The following GLCCI1 variants were observed in gnomAD, a reference collection of about 807,000 sequenced individuals.
GLCCI1 encodes glucocorticoid-induced transcript 1 protein.
A neutral mutation model predicts 52.2 loss-of-function variants in GLCCI1; 24 were observed. That is an observed-to-expected ratio of 0.46 (90% CI 0.33 to 0.65). GLCCI1 has a LOEUF of 0.65. Ranked by LOEUF, GLCCI1 falls within the 30% of genes least tolerant of loss-of-function variation. The pLI is 0.02. For missense variants in GLCCI1, 704 were observed against 701.5 expected (o/e 1.00, Z -0.04); for synonymous variants, 310 against 276.5 (o/e 1.12, Z -1.20).
chr7:8,008,022 C>A (rs1033652399), intron 2 of GLCCI1, among the ~76,000 whole-genome samples: 5 of 152,124 alleles, frequency 3.3e-5, no homozygotes, highest in African/African-American at 1.2e-4. Context: ...TAGACACACA[C>A]ACATTTGAAA....
intron 2 of GLCCI1, among the ~76,000 whole-genome samples, chr7:8,021,387 T>TAA (rs1330263323): frequency 6.6e-6 from 1 of 152,200 alleles, no homozygotes; most frequent in East Asian, 1.9e-4. Flanking sequence ...TCTCATGTAT[T>TAA]AAAGATGATA....
At chr7:8,068,310 A>T (rs1220756076) in intron 5 of GLCCI1, among the ~76,000 whole-genome samples, 1 of 152,212 alleles carries the variant, frequency 6.6e-6, no homozygotes, top group Non-Finnish European at 1.5e-5. Context: ...AGATTGTGCC[A>T]TTGCACTCCA....
intron 2 of GLCCI1, among the ~76,000 whole-genome samples, chr7:8,015,775 A>G (rs1781365468): frequency 6.6e-6 from 1 of 152,232 alleles, no homozygotes; most frequent in Non-Finnish European, 1.5e-5. Context: ...ACCAAAGTCA[A>G]AATTCTACTT....
chr7:8,007,275 C>A (rs1209495003), intron 2 of GLCCI1, among the ~76,000 whole-genome samples: 2 of 152,228 alleles, frequency 1.3e-5, no homozygotes, highest in African/African-American at 4.8e-5. Context: ...ATTTGTACAT[C>A]ATTACATAGC....
intron 1 of GLCCI1, among the ~76,000 whole-genome samples, chr7:7,985,350 C>A (rs1051002986): frequency 6.6e-6 from 1 of 152,088 alleles, no homozygotes. Context: ...TAATCCCTGG[C>A]TCCTGACATT....
chr7:8,041,143 A>G (rs1300285026), intron 3 of GLCCI1, among the ~76,000 whole-genome samples: 1 of 152,226 alleles, frequency 6.6e-6, no homozygotes, highest in Non-Finnish European at 1.5e-5. Flanking sequence ...CAAGAATGAT[A>G]ACAAAGCAAA....
In GLCCI1 at chr7:8,060,340, T is replaced by A. The variant is rs994681708; in HGVS notation, c.966+92T>A. ...TCTTGGTAACAGCTTTGTTAAGATATAATTCACATACCATCCAGTTTACTC... is the reference window on the plus strand; with the variant it reads ...TCTTGGTAACAGCTTTGTTAAGATAAAATTCACATACCATCCAGTTTACTC... On this transcript the variant is annotated intron_variant, in intron 5 of 7. Transcript: ENST00000223145. 5.2e-6 allele frequency: 5 copies of A among 960,054 alleles called. No individual in the cohort carries two copies. The African/African-American group carries it at 8.2e-5, about 16-fold the overall frequency. 59.5% of individuals were successfully genotyped at this position (960,054 alleles called of 1,614,324 possible).
At position 7,980,541 on chromosome 7, in the gene GLCCI1, C is replaced by T. The variant is rs1189924552; in HGVS notation, c.457+10734C>T. 4 of 503,156 alleles carry T rather than the reference C, an allele frequency of 7.9e-6. No homozygotes were observed. The East Asian group carries it at 9.2e-5, about 12-fold the overall frequency. 31.2% of individuals were successfully genotyped at this position (503,156 alleles called of 1,614,324 possible). A position where few individuals can be genotyped will look rare whatever the true frequency, so the allele number is the denominator to read the frequency against. On this transcript the variant is annotated intron_variant, in intron 1 of 7. Transcript: ENST00000223145. ...TTCACAGTATACAAAGGTATTTTAT[C>T]ATACAAACTGTTGATCCTACAGGGA...
chr7:8,077,001 T>C (rs753431871), intron 6 of GLCCI1, among the ~76,000 whole-genome samples: 2 of 152,196 alleles, frequency 1.3e-5, no homozygotes, highest in Non-Finnish European at 1.5e-5. Context: ...AAACCAAGAA[T>C]AATTAAACTA....
intron 1 of GLCCI1, chr7:7,970,375 C>G (rs576345956): frequency 6.6e-6 from 1 of 151,784 alleles, no homozygotes; most frequent in East Asian, 1.9e-4. Context: ...TCCTCCCTCT[C>G]TCCCTCTCCC....
At chr7:8,021,054 TA>T (rs1020207868) in intron 2 of GLCCI1, among the ~76,000 whole-genome samples, 1 of 152,232 alleles carries the variant, frequency 6.6e-6, no homozygotes, top group African/African-American at 2.4e-5. Context: ...AACTTCTTTT[TA>T]CTAGTGAACT....
At chr7:7,990,724 G>A (rs1324640679) in intron 1 of GLCCI1, among the ~76,000 whole-genome samples, 1 of 152,038 alleles carries the variant, frequency 6.6e-6, no homozygotes, top group Non-Finnish European at 1.5e-5. Context: ...ACTTTATGAA[G>A]CACTCAATTT....
intron 3 of GLCCI1, among the ~76,000 whole-genome samples, chr7:8,036,103 C>A (rs1781862562): frequency 6.6e-6 from 1 of 152,174 alleles, no homozygotes; most frequent in African/African-American, 2.4e-5. Context: ...ACATAAGCAC[C>A]ACCTATTGGT....
At chr7:8,078,030 C>G (rs557289668) in intron 6 of GLCCI1, among the ~76,000 whole-genome samples, 7 of 151,746 alleles carry the variant, frequency 4.6e-5, no homozygotes, top group Admixed American at 1.3e-4. Flanking sequence ...GTCAGGAAAT[C>G]GAGACCATCC....
intron 6 of GLCCI1, among the ~76,000 whole-genome samples, chr7:8,080,026 T>C (rs971430705): frequency 6.6e-6 from 1 of 151,490 alleles, no homozygotes; most frequent in African/African-American, 2.5e-5. Flanking sequence ...AAAAGCCAAA[T>C]GTTCTCCTTA....
Position 8,086,263 on chromosome 7 carries a change from G to A in GLCCI1, c.1369G>A (p.Gly457Arg). ...DKNKVNFIPT[G>R]SAFCPVKLLG... Reference sequence around the variant, plus strand: ...AAACAAGGTTAATTTCATCCCAACCGGATCAGCTTTCTGTCCTGTAAAACT... The same window carrying A: ...AAACAAGGTTAATTTCATCCCAACCAGATCAGCTTTCTGTCCTGTAAAACT... The change falls in exon 8 of 8, where the codon GGA becomes AGA. Residue 457 changes from glycine (G) to arginine (R), a missense_variant. Coordinates refer to ENST00000223145, the MANE Select transcript of GLCCI1 (RefSeq NM_138426.4). This position sits in a 1 kb window ranked among gnomAD's most constrained non-coding sequence, Gnocchi z 4.4. 5.0e-6 allele frequency: 8 copies of A among 1,614,038 alleles called. No homozygotes were observed. Among genetic ancestry groups the A allele is most frequent in the Non-Finnish European group, 6.8e-6 (8 of 1,180,008 alleles).
intron 2 of GLCCI1, among the ~76,000 whole-genome samples, chr7:8,012,737 G>T (rs573992279): frequency 2.6e-5 from 4 of 152,062 alleles, no homozygotes; most frequent in African/African-American, 9.6e-5. Flanking sequence ...GAGCCACCAC[G>T]CCTGGCCAGG....
At chr7:8,078,208 T>TAA (rs5882151) in intron 6 of GLCCI1, among the ~76,000 whole-genome samples, 25,961 of 85,758 alleles carry the variant, frequency 0.3, 4,006 homozygotes, top group Middle Eastern at 0.46. Flanking sequence ...GACTCCGTCT[T>TAA]AAAAAAAAAA....
At chr7:7,994,692 G>A (rs534472233) in intron 1 of GLCCI1, among the ~76,000 whole-genome samples, 1 of 152,344 alleles carries the variant, frequency 6.6e-6, no homozygotes, top group Middle Eastern at 3.4e-3. Flanking sequence ...GGACATTCAA[G>A]TGTAGCACCT....
Sources: gnomAD v4.1 joint callset for allele counts (sites outside exome capture counted in the v4.1 genomes callset) on GRCh38, gnomAD v4.1.1 for gene constraint, Gnocchi (gnomAD v3.1) non-coding constraint, MANE v1.5 for transcripts, NCBI Gene and HGNC (gene_info 2026-07-23, HGNC 2026-07-21) for gene names.